PRKAR1A: variants seen among roughly 807,000 people sequenced by gnomAD.
The protein encoded by PRKAR1A is protein kinase cAMP-dependent type I regulatory subunit alpha.
In PRKAR1A, 3 loss-of-function variants were observed where a neutral mutation model predicts 52.0. The ratio of observed to expected loss-of-function variants is 0.06; its 90% CI spans 0.03 to 0.15. The LOEUF (loss-of-function observed/expected upper bound fraction) is 0.15. Ranked by LOEUF, PRKAR1A falls within the 10% of genes least tolerant of loss-of-function variation. The pLI, the probability that PRKAR1A is intolerant of heterozygous loss-of-function variation, is 1.00. For missense variants in PRKAR1A, 240 were observed against 477.4 expected, an observed-to-expected ratio of 0.50 and a Z score of 4.63; for synonymous variants, 188 against 168.4, an observed-to-expected ratio of 1.12 and a Z score of -0.90.
chr17:68,449,411 G>T, the PRKAR1A span, among the ~76,000 whole-genome samples: 16 of 152,302 alleles, frequency 1.1e-4, no homozygotes, highest in African/African-American at 3.8e-4. Flanking sequence ...GGATCCTTGA[G>T]CCCAGGAGTT....
chr17:68,515,745 A>ATT lies in PRKAR1A; in HGVS notation c.177+170_177+171dup, dbSNP rs1168954869. The ATT allele has an allele frequency of 1.2e-5, 10 of 841,732 alleles. No individual in the cohort carries two copies. In the East Asian group the frequency reaches 2.4e-4, roughly 21 times the overall value. 52.1% of individuals were successfully genotyped at this position (841,732 alleles called of 1,614,324 possible). On this transcript the variant is annotated intron_variant, in intron 2 of 10. Transcript: ENST00000589228. ...TTAAGGCATTTGTAGTAATTTAAAA[A>ATT]TTCTTAATTAGTAGAATTTATCAGA...
downstream of PRKAR1A, chr17:68,536,571 C>A (rs1326451370): frequency 2.2e-6 from 1 of 453,650 alleles, no homozygotes; most frequent in African/African-American, 2.0e-5. Context: ...TTCCACATAG[C>A]CCCTTTCTTC....
chr17:68,439,816 A>G, the PRKAR1A span, among the ~76,000 whole-genome samples: 1 of 152,156 alleles, frequency 6.6e-6, no homozygotes, highest in African/African-American at 2.4e-5. Context: ...ACCGTGATAT[A>G]GAGGTCTTTC....
chr17:68,550,517 A>C (rs1460896231), intron 11 of PRKAR1A, among the ~76,000 whole-genome samples: 5 of 151,758 alleles, frequency 3.3e-5, no homozygotes, highest in African/African-American at 4.8e-5. Flanking sequence ...AGTAGCTGGG[A>C]CTGCATACAC....
exon 12 of PRKAR1A, chr17:68,551,087 A>G: frequency 8.1e-7 from 1 of 1,234,248 alleles, no homozygotes. Flanking sequence ...TCTGCAGGTC[A>G]CCTCATCATC....
At chr17:68,468,962 A>G in the PRKAR1A span, among the ~76,000 whole-genome samples, 12 of 152,274 alleles carry the variant, frequency 7.9e-5, no homozygotes, top group African/African-American at 2.9e-4. Context: ...GCCTCTATCT[A>G]TAGGTGACCC....
chr17:68,433,775 T>TTTTTTTTTTG, the PRKAR1A span, among the ~76,000 whole-genome samples: 18 of 61,548 alleles, frequency 2.9e-4, 1 homozygote, highest in African/African-American at 8.6e-4. Context: ...TTTTTTTTTT[T>TTTTTTTTTTG]TTTTTTTTTT....
At position 68,531,180 on chromosome 17, in the gene PRKAR1A, A is replaced by G; in HGVS notation, c.*731A>G. Reference sequence around the variant, plus strand: ...TGAAACTAACTCATAGATTGCAAATATTGGTTAGTATTTAACTACATCTGC... The same window carrying G: ...TGAAACTAACTCATAGATTGCAAATGTTGGTTAGTATTTAACTACATCTGC... On this transcript the variant is annotated 3_prime_UTR_variant, in exon 11 of 11. Transcript: ENST00000589228. 1 of 1,065,892 alleles carries G rather than the reference A, an allele frequency of 9.4e-7. No homozygotes were observed. The highest frequency in any genetic ancestry group is 1.1e-6 in the Non-Finnish European group (1 of 879,140). 66.0% of individuals were successfully genotyped at this position (1,065,892 alleles called of 1,614,324 possible). A position where few individuals can be genotyped will look rare whatever the true frequency, so the allele number is the denominator to read the frequency against.
the PRKAR1A span, among the ~76,000 whole-genome samples, chr17:68,476,180 A>G: frequency 6.6e-6 from 1 of 152,126 alleles, no homozygotes; most frequent in African/African-American, 2.4e-5. Flanking sequence ...TACTAGGTCA[A>G]GCTTTTACAT....
the PRKAR1A span, among the ~76,000 whole-genome samples, chr17:68,458,531 A>AT: frequency 8.5e-5 from 13 of 152,244 alleles, 1 homozygote; most frequent in Admixed American, 3.9e-4. Context: ...GTATCTAAAC[A>AT]AGACCTATCC....
chr17:68,457,654 A>G, the PRKAR1A span: 2 of 311,100 alleles, frequency 6.4e-6, no homozygotes, highest in African/African-American at 2.2e-5. Flanking sequence ...CCCGAGGACC[A>G]GAGCACCTGA....
chr17:68,470,826 A>G, the PRKAR1A span, among the ~76,000 whole-genome samples: 2 of 152,248 alleles, frequency 1.3e-5, no homozygotes, highest in South Asian at 2.1e-4. Context: ...TCATAGACAA[A>G]GAAATGGAGG....
the PRKAR1A span, among the ~76,000 whole-genome samples, chr17:68,495,180 C>T: frequency 2.7e-5 from 4 of 150,672 alleles, no homozygotes; most frequent in Non-Finnish European, 4.4e-5. Flanking sequence ...ATGTGTGCCA[C>T]CATGCCCTGC....
chr17:68,498,513 A>G, the PRKAR1A span, among the ~76,000 whole-genome samples: 1 of 152,208 alleles, frequency 6.6e-6, no homozygotes, highest in African/African-American at 2.4e-5. Flanking sequence ...GATAAATTGG[A>G]AAAGATAAGT....
At chr17:68,435,076 A>G in the PRKAR1A span, among the ~76,000 whole-genome samples, 1 of 152,072 alleles carries the variant, frequency 6.6e-6, no homozygotes, top group Non-Finnish European at 1.5e-5. Flanking sequence ...GCGTGGCAGC[A>G]TGTGCCTGTA....
At chr17:68,484,881 A>G in the PRKAR1A span, among the ~76,000 whole-genome samples, 2 of 152,246 alleles carry the variant, frequency 1.3e-5, no homozygotes, top group Non-Finnish European at 2.9e-5. Flanking sequence ...GGGGAGTCAA[A>G]GGATATTGTT....
Position 68,533,324 on chromosome 17 carries a change from A to T in PRKAR1A, c.*2875A>T. 1.9e-6 allele frequency: 2 copies of T among 1,063,436 alleles called. No individual in the cohort carries two copies. The highest frequency in any genetic ancestry group is 2.3e-6 in the Non-Finnish European group (2 of 877,990). The allele number at this position is 1,063,436 out of a possible 1,614,324, so 65.9% of individuals were successfully genotyped here. A position where few individuals can be genotyped will look rare whatever the true frequency, so the allele number is the denominator to read the frequency against. On this transcript the variant is annotated 3_prime_UTR_variant, in exon 11 of 11. Transcript: ENST00000589228. ...TGTATGTTAGAAGAGCATTCTTTAAATTGTGTTGCTTTGAACATGTGTACC... is the reference window on the plus strand; with the variant it reads ...TGTATGTTAGAAGAGCATTCTTTAATTTGTGTTGCTTTGAACATGTGTACC...
chr17:68,446,618 C>T, the PRKAR1A span, among the ~76,000 whole-genome samples: 1 of 152,322 alleles, frequency 6.6e-6, no homozygotes, highest in African/African-American at 2.4e-5. Context: ...TATCCAATCA[C>T]TGTGCCTTTT....
At position 68,531,660 on chromosome 17, in the gene PRKAR1A, C is replaced by T. The variant is rs1035215972; in HGVS notation, c.*1211C>T. 1.0e-4 allele frequency: 107 copies of T among 1,065,958 alleles called. No homozygotes were observed. Among genetic ancestry groups the T allele is most frequent in the Non-Finnish European group, 1.1e-4 (96 of 879,388 alleles). 66.0% of individuals were successfully genotyped at this position (1,065,958 alleles called of 1,614,324 possible). ...CAAATTGGTCTGAAAGGCTATCCTG[C>T]TGAAAGTCCTGCTTTCCTATCTAGC... On this transcript the variant is annotated 3_prime_UTR_variant, in exon 11 of 11. Transcript: ENST00000589228.
Sources: allele counts gnomAD v4.1 joint callset (sites outside exome capture counted in the v4.1 genomes callset), GRCh38; gene constraint gnomAD v4.1.1; transcripts MANE v1.5; gene names NCBI Gene and HGNC (gene_info 2026-07-23, HGNC 2026-07-21).